The following PKHD1L1 variants were observed in gnomAD, a reference collection of about 807,000 sequenced individuals.
The protein encoded by PKHD1L1 is PKHD1 like 1.
Under a neutral mutation model 462.9 loss-of-function variants are expected in PKHD1L1, and 434 were observed. That is an observed-to-expected ratio of 0.94 (90% CI 0.87 to 1.02). PKHD1L1 has a LOEUF of 1.02. Among genes scored for constraint, PKHD1L1 ranks in the 50% least tolerant of loss-of-function variants. The pLI is 0.00. For missense variants in PKHD1L1, 5,202 were observed against 5,096.1 expected (o/e 1.02, Z -0.63); for synonymous variants, 1,781 against 1,750.0 (o/e 1.02, Z -0.44).
chr8:109,420,980 T>A (rs1472876113), intron 23 of PKHD1L1, among the ~76,000 whole-genome samples: 2 of 152,058 alleles, frequency 1.3e-5, no homozygotes, highest in African/African-American at 4.8e-5. Context: ...CCAATAAACA[T>A]CCTGAAACAG....
chr8:109,440,635 T>TTTAG lies in PKHD1L1; in HGVS notation c.3957-75_3957-74insTTAG. 3.7e-6 allele frequency: 5 copies of TTTAG among 1,362,860 alleles called. No individual in the cohort carries two copies. In the South Asian group the frequency reaches 7.2e-5, roughly 19 times the overall value. 84.4% of individuals were successfully genotyped at this position (1,362,860 alleles called of 1,614,324 possible). Reference sequence around the variant, plus strand: ...CAGTTATTTCCTCTTTCTAAAGAAGTCATATCCTAGCAAGAGTTTAGCAAG... The same window carrying TTTAG: ...CAGTTATTTCCTCTTTCTAAAGAAGTTTAGCATATCCTAGCAAGAGTTTAGCAAG... On this transcript the variant is annotated intron_variant, in intron 32 of 77. Transcript: ENST00000378402.
chr8:109,409,929 A>C lies in PKHD1L1; in HGVS notation c.2036A>C (p.Glu679Ala). ...CCACCACAAATTGCAAATTTTGAAGAAGGATTTGTTGTGAAATATTTCAGA... is the reference window on the plus strand; with the variant it reads ...CCACCACAAATTGCAAATTTTGAAGCAGGATTTGTTGTGAAATATTTCAGA... ...KCPPQIANFE[E>A]GFVVKYFRDY... The change falls in exon 19 of 78, where the codon GAA becomes GCA. Residue 679 changes from glutamate (E) to alanine (A), a missense_variant. By Grantham distance (107) the Glu-to-Ala change is moderately radical. Around this residue, in one of 3 missense-constraint regions of PKHD1L1, gnomAD observed 4,497 missense variants for 4,336.8 expected, o/e 1.04. Coordinates refer to ENST00000378402, the MANE Select transcript of PKHD1L1 (RefSeq NM_177531.6). The C allele has an allele frequency of 6.2e-7, 1 of 1,607,476 alleles. No individual in the cohort carries two copies. Among genetic ancestry groups the C allele is most frequent in the Non-Finnish European group, 8.5e-7 (1 of 1,177,220 alleles).
Position 109,464,952 on chromosome 8 carries a change from C to T in PKHD1L1, c.8120C>T (p.Ala2707Val), listed in dbSNP as rs1817353226. ...GETNGAVIKN[A>V]KIVGHLDELG... ...ACCAATGGAGCGGTGATTAAAAATG[C>T]CAAAATAGTCGGCCATCTTGATGAA... The change falls in exon 49 of 78, where the codon GCC becomes GTC. Residue 2707 changes from alanine (A) to valine (V), a missense_variant. Physicochemically the swap from Ala to Val is moderately conservative, Grantham distance 64. Transcript: ENST00000378402. 6.2e-7 allele frequency: 1 copy of T among 1,613,672 alleles called. No individual in the cohort carries two copies.
At chr8:109,456,540 A>G in intron 46 of PKHD1L1, 149 bp downstream of exon 46, 2 of 702,020 alleles carry the variant, frequency 2.8e-6, no homozygotes, top group Non-Finnish European at 4.3e-6. Flanking sequence ...CAGATTTGCC[A>G]AGTGTTAACA....
At chr8:109,376,031 C>G (rs1054678184) in intron 2 of PKHD1L1, among the ~76,000 whole-genome samples, 1 of 152,226 alleles carries the variant, frequency 6.6e-6, no homozygotes, top group African/African-American at 2.4e-5. Flanking sequence ...TCAAAGCTGT[C>G]AGACAGGGAC....
At chr8:109,375,686 A>G (rs1372974414) in intron 2 of PKHD1L1, among the ~76,000 whole-genome samples, 2 of 152,024 alleles carry the variant, frequency 1.3e-5, no homozygotes, top group African/African-American at 4.8e-5. Flanking sequence ...TTTGGTGTGG[A>G]TGTCCTTTCT....
chr8:109,418,475 T>C (rs914614812), intron 21 of PKHD1L1, among the ~76,000 whole-genome samples: 1 of 152,224 alleles, frequency 6.6e-6, no homozygotes, highest in Non-Finnish European at 1.5e-5. Flanking sequence ...AATACTTATA[T>C]ATGTGTTACA....
chr8:109,470,717 C>G (rs1817672438), intron 50 of PKHD1L1: 3 of 1,572,460 alleles, frequency 1.9e-6, no homozygotes, highest in Non-Finnish European at 2.6e-6. Flanking sequence ...CAATTAGAAG[C>G]CTTGTACCAA....
intron 17 of PKHD1L1, among the ~76,000 whole-genome samples, chr8:109,407,026 T>C (rs1813590075): frequency 6.6e-6 from 1 of 152,174 alleles, no homozygotes; most frequent in South Asian, 2.1e-4. Context: ...ATTAACCGCC[T>C]ATTAATGTTT....
intron 50 of PKHD1L1, among the ~76,000 whole-genome samples, chr8:109,469,661 C>A (rs940372624): frequency 1.3e-5 from 2 of 151,948 alleles, no homozygotes; most frequent in South Asian, 2.1e-4. Flanking sequence ...AGGTTTTTTT[C>A]CCCTGTGAAT....
intron 63 of PKHD1L1, 85 bp downstream of exon 63, chr8:109,493,836 C>A: frequency 1.2e-6 from 1 of 822,908 alleles, no homozygotes; most frequent in Non-Finnish European, 1.8e-6. Context: ...TTTGTTAATT[C>A]AATATGTGAT....
At chr8:109,394,513 C>A in intron 10 of PKHD1L1, 28 bp downstream of exon 10, 1 of 1,400,912 alleles carries the variant, frequency 7.1e-7, no homozygotes, top group Non-Finnish European at 9.6e-7. Flanking sequence ...CACTCTGTTG[C>A]GGGGGTGGTG....
intron 14 of PKHD1L1, among the ~76,000 whole-genome samples, chr8:109,403,489 G>A (rs1467223516): frequency 2.0e-5 from 3 of 152,134 alleles, no homozygotes; most frequent in African/African-American, 7.2e-5. Context: ...TGTCTGCAAA[G>A]TGCTTAGTTT....
At chr8:109,440,970 A>G in intron 33 of PKHD1L1, 118 bp downstream of exon 33, 1 of 1,259,802 alleles carries the variant, frequency 7.9e-7, no homozygotes. Flanking sequence ...CTAGTAGCAT[A>G]AAAAAGGTAA....
chr8:109,362,934 C>T (rs1456145309), intron 1 of PKHD1L1, among the ~76,000 whole-genome samples: 2 of 152,152 alleles, frequency 1.3e-5, no homozygotes, highest in Non-Finnish European at 2.9e-5. Context: ...AATCTCCCAC[C>T]GGCACCCACA....
intron 63 of PKHD1L1, among the ~76,000 whole-genome samples, chr8:109,496,148 C>A (rs1819073312): frequency 6.6e-6 from 1 of 152,176 alleles, no homozygotes. Flanking sequence ...CTCTGTACTA[C>A]CTTCTAGGCT....
Position 109,419,083 on chromosome 8 carries a change from C to T in PKHD1L1, c.2361-14C>T. 6.2e-7 allele frequency: 1 copy of T among 1,605,352 alleles called. No individual in the cohort carries two copies. Among genetic ancestry groups the T allele is most frequent in the Non-Finnish European group, 8.5e-7 (1 of 1,174,190 alleles). On this transcript the variant is annotated splice_polypyrimidine_tract_variant and intron_variant, in intron 21 of 77. Coordinates refer to ENST00000378402, the MANE Select transcript of PKHD1L1 (RefSeq NM_177531.6). ...CCACTGATCTATACAACAAATTAATCAACCGTATTTCAGCTGGACTTACAC... is the reference window on the plus strand; with the variant it reads ...CCACTGATCTATACAACAAATTAATTAACCGTATTTCAGCTGGACTTACAC...
intron 62 of PKHD1L1, among the ~76,000 whole-genome samples, chr8:109,492,534 T>C (rs1372761183): frequency 6.6e-6 from 1 of 151,852 alleles, no homozygotes; most frequent in African/African-American, 2.4e-5. Context: ...AAATTTAAAA[T>C]AGTTATCTTT....
chr8:109,374,123 T>A lies in PKHD1L1; in HGVS notation c.164-7247T>A, dbSNP rs568951879. Among the ~76,000 whole-genome samples, 19 of 152,304 alleles carry A rather than the reference T, an allele frequency of 1.2e-4. No individual in the cohort carries two copies. The East Asian group carries it at 3.5e-3, about 28-fold the overall frequency. On this transcript the variant is annotated intron_variant, in intron 2 of 77. Transcript: ENST00000378402. Reference sequence around the variant, plus strand: ...TGGGGTGTTAGACTCCCATTATTATTGTGTGGGAGTCTAAGTCTCTCTTTA... The same window carrying A: ...TGGGGTGTTAGACTCCCATTATTATAGTGTGGGAGTCTAAGTCTCTCTTTA...
Sources: allele counts gnomAD v4.1 joint callset (sites outside exome capture counted in the v4.1 genomes callset), GRCh38; gene constraint gnomAD v4.1.1; regional missense constraint gnomAD v4.1.1; transcripts MANE v1.5; gene names NCBI Gene and HGNC (gene_info 2026-07-23, HGNC 2026-07-21).